Variants in PPFIA2 observed in about 807,000 individuals in gnomAD.
PPFIA2 encodes PPFI scaffold protein A2.
A neutral mutation model predicts 175.5 loss-of-function variants in PPFIA2; 46 were observed. The observed-to-expected ratio is 0.26, with a 90% CI of 0.21 to 0.34. The LOEUF (loss-of-function observed/expected upper bound fraction) is 0.34, where lower values mean the gene tolerates loss of function less well. Ranked by LOEUF, PPFIA2 falls within the 10% of genes least tolerant of loss-of-function variation. The pLI, the probability that PPFIA2 is intolerant of heterozygous loss-of-function variation, is 1.00. For missense variants in PPFIA2, 1,179 were observed against 1,506.1 expected, an observed-to-expected ratio of 0.78 and a Z score of 3.60; for synonymous variants, 568 against 511.4, an observed-to-expected ratio of 1.11 and a Z score of -1.49.
intron 4 of PPFIA2, among the ~76,000 whole-genome samples, chr12:81,603,825 T>TAAAAA (rs60363527): frequency 1.9e-5 from 2 of 103,318 alleles, no homozygotes; most frequent in African/African-American, 3.6e-5. Flanking sequence ...CTATTCTGAC[T>TAAAAA]AAAAAAAAAA....
rs562725991 is a variant in PPFIA2, at chr12:81,473,408, C to G, written c.304-15542G>C. 2.0e-5 allele frequency among the ~76,000 whole-genome samples: 3 copies of G among 152,166 alleles called. No homozygotes were observed. In the East Asian group the frequency reaches 5.8e-4, roughly 29 times the overall value. On this transcript the variant is annotated intron_variant, in intron 4 of 32. Transcript: ENST00000549396. ...TGGGCAACAGAGTGAGACTCCACCT[C>G]AAACAAACAAACAAAAAAATTCCAT...
At chr12:81,474,488 C>T (rs146233932) in intron 4 of PPFIA2, among the ~76,000 whole-genome samples, 2,272 of 152,192 alleles carry the variant, frequency 0.015, 48 homozygotes, top group East Asian at 0.044. Context: ...GATGAGGTTT[C>T]ACCATGCTGG....
chr12:81,575,509 C>T (rs1236845521), intron 4 of PPFIA2, among the ~76,000 whole-genome samples: 1 of 151,704 alleles, frequency 6.6e-6, no homozygotes, highest in African/African-American at 2.4e-5. Flanking sequence ...ATTTATGAAA[C>T]ATTTATTTTG....
Position 81,294,822 on chromosome 12 carries a change from G to A in PPFIA2, c.2925+13C>T. The A allele has an allele frequency of 6.2e-7, 1 of 1,610,642 alleles. No homozygotes were observed. Among genetic ancestry groups the A allele is most frequent in the Non-Finnish European group, 8.5e-7 (1 of 1,178,314 alleles). On this transcript the variant is annotated intron_variant, in intron 24 of 32. Coordinates refer to ENST00000549396, the MANE Select transcript of PPFIA2 (RefSeq NM_003625.5). ...CTAGCACTGAGGAAGGGGAGGAGCA[G>A]AAACTGACTCACAGTTCGAGATGTT...
chr12:81,480,799 G>T (rs368666069), intron 4 of PPFIA2, among the ~76,000 whole-genome samples: 1 of 152,082 alleles, frequency 6.6e-6, no homozygotes, highest in East Asian at 1.9e-4. Flanking sequence ...TCCCAGAGGG[G>T]CACCTACCAG....
intron 22 of PPFIA2, among the ~76,000 whole-genome samples, chr12:81,322,839 AT>A (rs2053954553): frequency 6.6e-6 from 1 of 152,176 alleles, no homozygotes; most frequent in South Asian, 2.1e-4. Context: ...CAGATTCAAT[AT>A]TGTTGATTTC....
intron 2 of PPFIA2, among the ~76,000 whole-genome samples, 151 bp from the exon 3 acceptor site, chr12:81,754,374 T>G (rs2153667420): frequency 6.6e-6 from 1 of 152,312 alleles, no homozygotes; most frequent in South Asian, 2.1e-4. Flanking sequence ...AAGCAAAATG[T>G]TTTGACCTCA....
At chr12:81,278,988 T>C (rs2041356845) in intron 27 of PPFIA2, among the ~76,000 whole-genome samples, 1 of 152,184 alleles carries the variant, frequency 6.6e-6, no homozygotes, top group South Asian at 2.1e-4. Context: ...GCAGGTGTTG[T>C]GGGTTGAATT....
chr12:81,716,148 T>C (rs1007032903), intron 3 of PPFIA2, among the ~76,000 whole-genome samples: 2 of 151,668 alleles, frequency 1.3e-5, no homozygotes, highest in Admixed American at 6.6e-5. Flanking sequence ...TATCTACATA[T>C]AATGTAGAAT....
chr12:81,736,057 T>C (rs2153646926), intron 3 of PPFIA2, among the ~76,000 whole-genome samples: 1 of 152,082 alleles, frequency 6.6e-6, no homozygotes, highest in South Asian at 2.1e-4. Flanking sequence ...CTTGGTCCTT[T>C]GTCTTTCTAT....
chr12:81,441,479 A>T (rs115136975), intron 6 of PPFIA2, among the ~76,000 whole-genome samples: 119 of 152,232 alleles, frequency 7.8e-4, no homozygotes, highest in African/African-American at 2.7e-3. Flanking sequence ...ATCTTTCATC[A>T]TATTGAGCTA....
chr12:81,405,974 T>C (rs911938083), intron 7 of PPFIA2, 71 bp from the exon 8 acceptor site: 3 of 823,698 alleles, frequency 3.6e-6, no homozygotes, highest in Non-Finnish European at 5.7e-6. Flanking sequence ...ATGAATTTAC[T>C]TCAATGTGGT....
intron 22 of PPFIA2, among the ~76,000 whole-genome samples, chr12:81,303,339 T>G (rs2048333884): frequency 6.6e-6 from 1 of 152,168 alleles, no homozygotes; most frequent in East Asian, 1.9e-4. Context: ...CACCCGTACA[T>G]CACTAAATTT....
intron 4 of PPFIA2, among the ~76,000 whole-genome samples, chr12:81,616,087 A>G (rs982005239): frequency 6.6e-6 from 1 of 152,148 alleles, no homozygotes; most frequent in Non-Finnish European, 1.5e-5. Flanking sequence ...TCAAGAAGCC[A>G]GGATATCAGC....
At chr12:81,695,748 A>T (rs2075824249) in intron 3 of PPFIA2, among the ~76,000 whole-genome samples, 1 of 152,178 alleles carries the variant, frequency 6.6e-6, no homozygotes, top group South Asian at 2.1e-4. Context: ...ATATAGTTTC[A>T]TTAGCAAACT....
intron 8 of PPFIA2, among the ~76,000 whole-genome samples, chr12:81,391,378 A>G (rs1290307573): frequency 6.6e-6 from 1 of 151,896 alleles, no homozygotes; most frequent in East Asian, 1.9e-4. Flanking sequence ...CTATAAGGAA[A>G]TGGTAAAATA....
Position 81,405,804 on chromosome 12 carries a change from G to T in PPFIA2, c.745C>A (p.Gln249Lys). ...SEHLEGMEPGQKVHEKRLSNG... is the reference protein window; with the variant it reads ...SEHLEGMEPGKKVHEKRLSNG... ...TGTCATACCTTCTCATGGACTTTCT[G>T]TCCAGGTTCCATCCCTTCAAGATGT... Residue 249 changes from glutamine (Q) to lysine (K), a missense_variant, in exon 8 of 33, where the codon CAG (glutamine) becomes AAG (lysine). Transcript: ENST00000549396. 1 of 1,569,592 alleles carries T rather than the reference G, an allele frequency of 6.4e-7. No individual in the cohort carries two copies. The highest frequency in any genetic ancestry group is 8.7e-7 in the Non-Finnish European group (1 of 1,154,386).
intron 3 of PPFIA2, among the ~76,000 whole-genome samples, chr12:81,706,486 C>A (rs572168259): frequency 1.3e-5 from 2 of 152,154 alleles, no homozygotes; most frequent in Admixed American, 1.3e-4. Flanking sequence ...TACAAAAATG[C>A]ATATATTTTT....
chr12:81,480,289 C>T (rs563108362), intron 4 of PPFIA2, among the ~76,000 whole-genome samples: 4 of 151,942 alleles, frequency 2.6e-5, no homozygotes, highest in East Asian at 3.9e-4. Flanking sequence ...CTAAACTGGT[C>T]GTTTTAGTTA....
Sources: gnomAD v4.1 joint callset for allele counts (sites outside exome capture counted in the v4.1 genomes callset) on GRCh38, gnomAD v4.1.1 for gene constraint, MANE v1.5 for transcripts, NCBI Gene and HGNC (gene_info 2026-07-23, HGNC 2026-07-21) for gene names.